The following USP47 variants were observed in gnomAD, a reference collection of about 807,000 sequenced individuals.
The protein encoded by USP47 is ubiquitin carboxyl-terminal hydrolase 47.
In USP47, 35 loss-of-function variants were observed where a neutral mutation model predicts 165.1. The ratio of observed to expected loss-of-function variants is 0.21; its 90% CI spans 0.16 to 0.28. The LOEUF (loss-of-function observed/expected upper bound fraction) is 0.28, where lower values mean the gene tolerates loss of function less well. Among genes scored for constraint, USP47 ranks in the 10% least tolerant of loss-of-function variants. The pLI is 1.00. For missense variants in USP47, 1,277 were observed against 1,607.4 expected, an observed-to-expected ratio of 0.79 and a Z score of 3.52; for synonymous variants, 531 against 544.5, an observed-to-expected ratio of 0.98 and a Z score of 0.35.
At chr11:11,913,643 A>T (rs1429649839) in intron 8 of USP47, among the ~76,000 whole-genome samples, 2 of 152,072 alleles carry the variant, frequency 1.3e-5, no homozygotes, top group Non-Finnish European at 2.9e-5. Flanking sequence ...GGATAAAGAC[A>T]GGTTGGTTAA....
intron 2 of USP47, among the ~76,000 whole-genome samples, chr11:11,880,908 C>T (rs1342362742): frequency 6.6e-6 from 1 of 152,016 alleles, no homozygotes; most frequent in Non-Finnish European, 1.5e-5. Context: ...TTTGTATGAA[C>T]ATGTGTAGCT....
At chr11:11,899,091 G>A (rs943415852) in intron 5 of USP47, among the ~76,000 whole-genome samples, 9 of 152,086 alleles carry the variant, frequency 5.9e-5, no homozygotes, top group African/African-American at 1.2e-4. Context: ...GTGCACTAGC[G>A]GATGCCAATA....
At chr11:11,892,832 A>G (rs60930270) in intron 4 of USP47, among the ~76,000 whole-genome samples, 23,606 of 143,140 alleles carry the variant, frequency 0.16, 2,591 homozygotes, top group Admixed American at 0.35. Flanking sequence ...AAAAAAAAAA[A>G]AAGAAAAAGA....
intron 1 of USP47, among the ~76,000 whole-genome samples, chr11:11,865,414 T>C (rs988091910): frequency 6.6e-6 from 1 of 152,198 alleles, no homozygotes; most frequent in Non-Finnish European, 1.5e-5. Context: ...CTGATTCTTT[T>C]GTCATCTTCA....
intron 19 of USP47, 111 bp downstream of exon 19, chr11:11,940,659 T>A: frequency 8.3e-7 from 1 of 1,210,142 alleles, no homozygotes; most frequent in Non-Finnish European, 1.1e-6. Context: ...GTCTGGAACT[T>A]AATTTAAAAT....
chr11:11,899,418 A>G (rs1326802561), intron 5 of USP47, among the ~76,000 whole-genome samples: 5 of 152,230 alleles, frequency 3.3e-5, no homozygotes, highest in Admixed American at 1.3e-4. Flanking sequence ...TCTTTTAGGT[A>G]TAAGGATTAG....
chr11:11,882,485 A>G (rs955951629), intron 2 of USP47, among the ~76,000 whole-genome samples: 103 of 152,294 alleles, frequency 6.8e-4, no homozygotes, highest in African/African-American at 2.4e-3. Flanking sequence ...ATTAACCAGT[A>G]AAATTGGTAG....
intron 1 of USP47, among the ~76,000 whole-genome samples, chr11:11,868,977 C>CT (rs1218115096): frequency 4.0e-5 from 6 of 151,506 alleles, no homozygotes; most frequent in East Asian, 1.9e-4. Context: ...GGATTGTTTG[C>CT]TTTTTTTTGT....
chr11:11,927,412 A>G (rs916666751), intron 11 of USP47, among the ~76,000 whole-genome samples: 1 of 152,122 alleles, frequency 6.6e-6, no homozygotes, highest in Non-Finnish European at 1.5e-5. Flanking sequence ...ATCAGAACAC[A>G]TTCACTCTGG....
chr11:11,916,193 A>G (rs925043017), intron 8 of USP47, among the ~76,000 whole-genome samples: 2 of 152,206 alleles, frequency 1.3e-5, no homozygotes, highest in East Asian at 3.8e-4. Context: ...TCACGCCTGT[A>G]ATCCTAGCAC....
chr11:11,900,259 A>C (rs1590335705), intron 5 of USP47, among the ~76,000 whole-genome samples: 2 of 140,840 alleles, frequency 1.4e-5, no homozygotes, highest in South Asian at 4.3e-4. Flanking sequence ...CCTGGGGTTC[A>C]TGTTCATTCT....
intron 1 of USP47, among the ~76,000 whole-genome samples, chr11:11,857,935 A>T (rs1486503500): frequency 6.6e-6 from 1 of 151,750 alleles, no homozygotes; most frequent in Non-Finnish European, 1.5e-5. Context: ...GTTGCTTTCC[A>T]CAACCAATCA....
chr11:11,904,727 T>A (rs1157351409), intron 7 of USP47, among the ~76,000 whole-genome samples: 1 of 152,110 alleles, frequency 6.6e-6, no homozygotes, highest in East Asian at 1.9e-4. Flanking sequence ...TTAACTAAGT[T>A]TGGGGACTAG....
At position 11,960,875 on chromosome 11, in the gene USP47, C is replaced by T. The variant is rs537981397; in HGVS notation, c.*4700C>T. On this transcript the variant is annotated 3_prime_UTR_variant, in exon 28 of 28. Coordinates refer to ENST00000527733, the MANE Select transcript of USP47 (RefSeq NM_001282659.2). Reference sequence around the variant, plus strand: ...CCTAATGCCTTTTTTCTCTTCCTGTCTTTGTCCCTCACACTACAGCAGGCC... The same window carrying T: ...CCTAATGCCTTTTTTCTCTTCCTGTTTTTGTCCCTCACACTACAGCAGGCC... Among the ~76,000 whole-genome samples, 1 of 152,146 alleles carries T rather than the reference C, an allele frequency of 6.6e-6. No individual in the cohort carries two copies. Among genetic ancestry groups the T allele is most frequent in the African/African-American group, 2.4e-5 (1 of 41,420 alleles).
intron 4 of USP47, among the ~76,000 whole-genome samples, chr11:11,894,700 A>G (rs1240877215): frequency 6.6e-5 from 10 of 152,326 alleles, no homozygotes; most frequent in Middle Eastern, 3.4e-3. Context: ...CAGAACTCCT[A>G]CTGTGCTTGT....
At chr11:11,873,419 G>C (rs1301090343) in intron 1 of USP47, among the ~76,000 whole-genome samples, 1 of 152,132 alleles carries the variant, frequency 6.6e-6, no homozygotes, top group African/African-American at 2.4e-5. Flanking sequence ...AAGAGTAGCT[G>C]TCGTGAAAAA....
intron 1 of USP47, among the ~76,000 whole-genome samples, chr11:11,842,581 A>G (rs990900456): frequency 4.6e-5 from 7 of 152,198 alleles, no homozygotes; most frequent in South Asian, 2.1e-4. Context: ...ACAGTTGCCT[A>G]TGGGCACGGC....
At chr11:11,940,349 G>A in intron 18 of USP47, 80 bp from the exon 19 acceptor site, 30 of 1,416,504 alleles carry the variant, frequency 2.1e-5, no homozygotes, top group Non-Finnish European at 2.8e-5. Context: ...GAACTCAGCA[G>A]TGTCTTGCTT....
intron 22 of USP47, 173 bp downstream of exon 22, chr11:11,948,731 A>C: frequency 1.8e-6 from 1 of 563,630 alleles, no homozygotes; most frequent in Middle Eastern, 4.8e-4. Flanking sequence ...CACTTCTGCT[A>C]TTATAGCACA....
Sources: gnomAD v4.1 joint callset for allele counts (sites outside exome capture counted in the v4.1 genomes callset) on GRCh38, gnomAD v4.1.1 for gene constraint, MANE v1.5 for transcripts, NCBI Gene and HGNC (gene_info 2026-07-23, HGNC 2026-07-21) for gene names.